PLD1: variants seen among roughly 807,000 people sequenced by gnomAD.
PLD1 encodes the protein choline phosphatase 1.
Under a neutral mutation model 137.1 loss-of-function variants are expected in PLD1, and 112 were observed. That is an observed-to-expected ratio of 0.82 (90% confidence interval 0.70 to 0.96). PLD1 has a LOEUF of 0.96. Among genes scored for constraint, PLD1 ranks in the 40% least tolerant of loss-of-function variants. The probability of loss-of-function intolerance (pLI) is 0.00; values close to 1 mark genes in which losing one functional copy is unlikely to be tolerated. For synonymous variants in PLD1, 431 were observed against 454.7 expected (o/e 0.95, Z 0.66); for missense variants, 1,321 against 1,342.0 (o/e 0.98, Z 0.24).
chr3:171,686,774 T>G lies in PLD1; in HGVS notation c.1778A>C (p.His593Pro), dbSNP rs776439277. ...TSSYFNHYRS[H>P]HNLIHGLKPH... ...TTTTAAACCATGGATTAAATTGTGATGACTTCTATAGTGATTAAAATAACC... is the reference window on the plus strand; with the variant it reads ...TTTTAAACCATGGATTAAATTGTGAGGACTTCTATAGTGATTAAAATAACC... The change falls in exon 16 of 27, where the codon CAT becomes CCT. Residue 593 changes from histidine (H) to proline (P), a missense_variant. Physicochemically the swap from His to Pro is moderately conservative, Grantham distance 77 (BLOSUM62 -2). Transcript: ENST00000351298. 1 of 1,580,552 alleles carries G rather than the reference T, an allele frequency of 6.3e-7. No individual in the cohort carries two copies. The highest frequency in any genetic ancestry group is 1.1e-5 in the South Asian group (1 of 90,364).
At chr3:171,611,395 C>T (rs1032875849) in intron 25 of PLD1, 4 of 296,552 alleles carry the variant, frequency 1.3e-5, no homozygotes, top group African/African-American at 6.5e-5. Context: ...GCAACATGAT[C>T]TAGAAGGTTC....
At chr3:171,807,894 T>TA (rs1723918128) in intron 1 of PLD1, among the ~76,000 whole-genome samples, 1 of 152,168 alleles carries the variant, frequency 6.6e-6, no homozygotes, top group Non-Finnish European at 1.5e-5. Flanking sequence ...CATGCAGCCA[T>TA]AAAAAGTAAC....
At chr3:171,705,262 T>A (rs993177651) in intron 11 of PLD1, among the ~76,000 whole-genome samples, 1 of 152,326 alleles carries the variant, frequency 6.6e-6, no homozygotes, top group African/African-American at 2.4e-5. Context: ...GCTAACAATT[T>A]CTTAAATTTA....
chr3:171,776,829 C>T (rs767948130), intron 1 of PLD1, among the ~76,000 whole-genome samples: 7 of 152,162 alleles, frequency 4.6e-5, no homozygotes, highest in Admixed American at 1.3e-4. Flanking sequence ...CATTTTGTAA[C>T]TTGGCAATAA....
intron 9 of PLD1, among the ~76,000 whole-genome samples, chr3:171,712,747 A>C (rs1205400876): frequency 1.3e-5 from 2 of 152,202 alleles, no homozygotes; most frequent in East Asian, 3.9e-4. Flanking sequence ...ATGCAGATGA[A>C]GTGGCCAATA....
At chr3:171,804,955 G>A (rs544489956) in intron 1 of PLD1, among the ~76,000 whole-genome samples, 1 of 152,142 alleles carries the variant, frequency 6.6e-6, no homozygotes, top group Admixed American at 6.5e-5. Context: ...CCCTTTCTAC[G>A]GCTTTCCTTT....
At chr3:171,794,429 A>G (rs976885271) in intron 1 of PLD1, among the ~76,000 whole-genome samples, 4 of 152,186 alleles carry the variant, frequency 2.6e-5, no homozygotes, top group Non-Finnish European at 2.9e-5. Context: ...AGGGGAGACT[A>G]CTGGATGTGA....
At chr3:171,603,795 T>C (rs1731997775) in intron 26 of PLD1, among the ~76,000 whole-genome samples, 1 of 152,180 alleles carries the variant, frequency 6.6e-6, no homozygotes, top group Admixed American at 6.5e-5. Context: ...GTCTTAAGAA[T>C]AAGGACATGT....
chr3:171,708,421 C>A lies in PLD1; in HGVS notation c.1145+334G>T, dbSNP rs547688565. Among the ~76,000 whole-genome samples the A allele has an allele frequency of 2.6e-5, 4 of 152,194 alleles. No homozygotes were observed. In the East Asian group the frequency reaches 7.7e-4, roughly 29 times the overall value. On this transcript the variant is annotated intron_variant, in intron 11 of 26. Coordinates refer to ENST00000351298, the MANE Select transcript of PLD1 (RefSeq NM_002662.5). ...TCACTGGCCCTCATGACAGACATAC[C>A]AAAATTAGAAAAAGACATCCAAAGA...
rs745855475 is a variant in PLD1, at chr3:171,686,730, G to C, written c.1822C>G (p.His608Asp). ...HGLKPHFKLF[H>D]PSSESEQGLT... ...CCTTGCTCAGACTCACTGGACGGGT[G>C]AAAGAGTTTGAAGTGGGGTTTTAAA... Residue 608 changes from histidine (H) to aspartate (D), a missense_variant, in exon 16 of 27, where the codon CAC becomes GAC. His to Asp is a moderately conservative substitution (Grantham distance 81). Coordinates refer to ENST00000351298, the MANE Select transcript of PLD1 (RefSeq NM_002662.5). The C allele has an allele frequency of 1.2e-6, 2 of 1,609,622 alleles. No individual in the cohort carries two copies. The highest frequency in any genetic ancestry group is 2.7e-5 in the African/African-American group (2 of 74,818).
chr3:171,674,336 T>C (rs1713105126), intron 19 of PLD1, among the ~76,000 whole-genome samples, 164 bp downstream of exon 19: 1 of 152,244 alleles, frequency 6.6e-6, no homozygotes, highest in South Asian at 2.1e-4. Context: ...ATTGAATCCA[T>C]TTAACATAGG....
chr3:171,687,594 A>ATTT lies in PLD1; in HGVS notation c.1540-13_1540-11dup. On this transcript the variant is annotated splice_polypyrimidine_tract_variant and intron_variant, in intron 14 of 26. Transcript: ENST00000351298. Reference sequence around the variant, plus strand: ...ACTCCATTGCGGCAGGCTGAGAAAAATTTTTTTTTAAAAAAAGACACTGCA... The same window carrying ATTT: ...ACTCCATTGCGGCAGGCTGAGAAAAATTTTTTTTTTTTAAAAAAAGACACTGCA... 6.5e-7 allele frequency: 1 copy of ATTT among 1,544,918 alleles called. No homozygotes were observed. Among genetic ancestry groups the ATTT allele is most frequent in the Non-Finnish European group, 8.9e-7 (1 of 1,125,446 alleles).
In PLD1 at chr3:171,801,889, C is replaced by T. The variant is rs377208808; in HGVS notation, c.-32+8510G>A. Among the ~76,000 whole-genome samples, 12 of 152,334 alleles carry T rather than the reference C, an allele frequency of 7.9e-5. 1 individual carries two copies. In the South Asian group the frequency reaches 2.5e-3, roughly 32 times the overall value. ...TTCATGTTTAATCGATCCATTCTAT[C>T]ACAGATTATACACCCACATGACAGA... On this transcript the variant is annotated intron_variant, in intron 1 of 26. Coordinates refer to ENST00000351298, the MANE Select transcript of PLD1 (RefSeq NM_002662.5).
At chr3:171,672,877 G>A (rs1382944139) in intron 19 of PLD1, among the ~76,000 whole-genome samples, 4 of 152,210 alleles carry the variant, frequency 2.6e-5, no homozygotes, top group Non-Finnish European at 4.4e-5. Context: ...CAGGCAGCAG[G>A]ATGAGACTAT....
intron 21 of PLD1, among the ~76,000 whole-genome samples, chr3:171,645,809 G>A (rs556325678): frequency 1.0e-3 from 157 of 150,808 alleles, no homozygotes; most frequent in African/African-American, 3.5e-3. Flanking sequence ...GCGTGAACCC[G>A]GGTGGCGGAG....
chr3:171,799,933 A>AT (rs1723579038), intron 1 of PLD1, among the ~76,000 whole-genome samples: 1 of 152,186 alleles, frequency 6.6e-6, no homozygotes, highest in South Asian at 2.1e-4. Context: ...CTGAGCAACC[A>AT]TGATAACCAA....
At chr3:171,669,693 G>A (rs1172144409) in intron 19 of PLD1, among the ~76,000 whole-genome samples, 1 of 152,220 alleles carries the variant, frequency 6.6e-6, no homozygotes, top group Non-Finnish European at 1.5e-5. Context: ...GAGCCACTGC[G>A]CCCAGCCTGT....
In PLD1 at chr3:171,692,435, C is replaced by A; in HGVS notation, c.1235G>T (p.Gly412Val). ...DCILKRKAQQ[G>V]VRIFIMLYKE... ...GTAGAGCATTATGAAGATCCTCACTCCTTGTTGCTGTCACAGGAGAAAACC... is the reference window on the plus strand; with the variant it reads ...GTAGAGCATTATGAAGATCCTCACTACTTGTTGCTGTCACAGGAGAAAACC... Residue 412 changes from glycine to valine, a missense_variant, in exon 13 of 27, where the codon GGA (glycine) becomes GTA (valine). By Grantham distance (109) the Gly-to-Val change is moderately radical (BLOSUM62 -3). Transcript: ENST00000351298. The A allele has an allele frequency of 6.5e-7, 1 of 1,545,194 alleles. No homozygotes were observed. The highest frequency in any genetic ancestry group is 8.9e-7 in the Non-Finnish European group (1 of 1,117,490).
chr3:171,673,543 C>A (rs543583726), intron 19 of PLD1, among the ~76,000 whole-genome samples: 87 of 152,232 alleles, frequency 5.7e-4, no homozygotes, highest in Middle Eastern at 3.4e-3. Flanking sequence ...AGTGCTAGGA[C>A]TACAGGTGGG....
Sources: gnomAD v4.1 joint callset for allele counts (sites outside exome capture counted in the v4.1 genomes callset) on GRCh38, gnomAD v4.1.1 for gene constraint, MANE v1.5 for transcripts, NCBI Gene and HGNC (gene_info 2026-07-23, HGNC 2026-07-21) for gene names.